RNF145: variants seen among roughly 807,000 people sequenced by gnomAD.
The protein encoded by RNF145 is ring finger protein 145.
RNF145 carries 12 observed loss-of-function variants against 57.3 expected under a neutral mutation model. The ratio of observed to expected loss-of-function variants is 0.21; its 90% CI spans 0.13 to 0.34. The LOEUF is 0.34. Ranked by LOEUF, RNF145 falls within the 10% of genes least tolerant of loss-of-function variation. RNF145 has a pLI of 1.00. For synonymous variants in RNF145, 262 were observed against 288.3 expected, an observed-to-expected ratio of 0.91 and a Z score of 0.92; for missense variants, 429 against 799.0, an observed-to-expected ratio of 0.54 and a Z score of 5.58.
Position 159,209,432 on chromosome 5 carries a change from G to A in RNF145, c.-241C>T. The A allele has an allele frequency of 1.0e-6, 1 of 984,762 alleles. No homozygotes were observed. Among genetic ancestry groups the A allele is most frequent in the Non-Finnish European group, 1.2e-6 (1 of 828,962 alleles). The allele number at this position is 984,762 out of a possible 1,614,324, so 61.0% of individuals were successfully genotyped here. A position where few individuals can be genotyped will look rare whatever the true frequency, so the allele number is the denominator to read the frequency against. ...GAGGCAGCGGCAGCGGCAGCGGCCC[G>A]GCCCGTACGGTCACCATCGTCCGCG... On this transcript the variant is annotated 5_prime_UTR_variant, in exon 1 of 11. Transcript: ENST00000424310.
At chr5:159,180,659 A>G (rs188065070) in intron 4 of RNF145, among the ~76,000 whole-genome samples, 11 of 152,258 alleles carry the variant, frequency 7.2e-5, no homozygotes, top group Admixed American at 2.6e-4. Context: ...AACAAGTGAA[A>G]TCAACAATAT....
intron 3 of RNF145, among the ~76,000 whole-genome samples, chr5:159,193,966 G>A (rs1040306609): frequency 2.0e-5 from 3 of 152,166 alleles, no homozygotes; most frequent in Admixed American, 6.5e-5. Flanking sequence ...CTACTTCATA[G>A]TGTAACTTTT....
chr5:159,185,990 G>A (rs988992077), intron 3 of RNF145, among the ~76,000 whole-genome samples: 2 of 152,164 alleles, frequency 1.3e-5, no homozygotes, highest in Admixed American at 6.5e-5. Context: ...TTGGGAGGCC[G>A]AGGCAGACGG....
chr5:159,172,179 T>A (rs758200220), intron 6 of RNF145, among the ~76,000 whole-genome samples: 1 of 152,168 alleles, frequency 6.6e-6, no homozygotes, highest in African/African-American at 2.4e-5. Context: ...CTATATGCAG[T>A]TACTTTTTGG....
chr5:159,169,051 T>C lies in RNF145; in HGVS notation c.943A>G (p.Met315Val). 11 of 1,544,842 alleles carry C rather than the reference T, an allele frequency of 7.1e-6. No individual in the cohort carries two copies. Among genetic ancestry groups the C allele is most frequent in the Non-Finnish European group, 7.8e-6 (9 of 1,152,816 alleles). ...ATTAACAGCGTTACTCCTTCTGTCA[T>C]GCCCCTAAAAAAAGCATACATTTTC... The part of the protein sequence containing the change: ...FMNDPAMNRG[M>V]TEGVTLLILA... Residue 315 changes from methionine to valine, a missense_variant, in exon 8 of 11, where the codon ATG (methionine) becomes GTG (valine). Met to Val is a conservative substitution (Grantham distance 21, BLOSUM62 1). This residue lies in a region of RNF145 where 216 missense variants were observed against 457.6 expected (regional missense o/e 0.47). Coordinates refer to ENST00000424310, the MANE Select transcript of RNF145 (RefSeq NM_001199383.2).
intron 6 of RNF145, among the ~76,000 whole-genome samples, chr5:159,170,597 T>A (rs182605359): frequency 4.6e-5 from 7 of 152,302 alleles, no homozygotes; most frequent in Admixed American, 3.9e-4. Context: ...CTATCTTATA[T>A]ATACGTATAT....
At chr5:159,183,075 T>C (rs866932599) in intron 3 of RNF145, among the ~76,000 whole-genome samples, 3 of 152,206 alleles carry the variant, frequency 2.0e-5, no homozygotes, top group Middle Eastern at 6.8e-3. Context: ...GAATCAAAAC[T>C]TAAAACTAAA....
chr5:159,168,142 A>T (rs1190273422), intron 8 of RNF145, among the ~76,000 whole-genome samples: 2 of 152,194 alleles, frequency 1.3e-5, no homozygotes, highest in Non-Finnish European at 1.5e-5. Context: ...TTTGGCTTTT[A>T]TCCCTCACAA....
intron 1 of RNF145, chr5:159,207,714 C>A (rs377276060): frequency 1.9e-6 from 3 of 1,612,598 alleles, no homozygotes; most frequent in Non-Finnish European, 2.5e-6. Context: ...TATAGCTGGT[C>A]CTCCCCACTC....
intron 2 of RNF145, among the ~76,000 whole-genome samples, chr5:159,196,748 G>A (rs1233668842): frequency 1.3e-5 from 2 of 152,060 alleles, no homozygotes; most frequent in Non-Finnish European, 2.9e-5. Flanking sequence ...TGACTTTAGA[G>A]GTATTTTAAA....
chr5:159,181,534 A>G (rs1225577591), intron 4 of RNF145, among the ~76,000 whole-genome samples: 1 of 152,102 alleles, frequency 6.6e-6, no homozygotes, highest in Non-Finnish European at 1.5e-5. Flanking sequence ...TATTTTTAAC[A>G]TTCTGCTACC....
intron 2 of RNF145, among the ~76,000 whole-genome samples, chr5:159,198,277 AAAAG>A (rs1346962660): frequency 7.3e-6 from 1 of 137,240 alleles, no homozygotes; most frequent in Admixed American, 7.5e-5. Flanking sequence ...ATAAATAAAT[AAAAG>A]AAATAATGAC....
At chr5:159,175,263 G>C (rs1784682396) in intron 5 of RNF145, among the ~76,000 whole-genome samples, 2 of 152,082 alleles carry the variant, frequency 1.3e-5, no homozygotes, top group Admixed American at 1.3e-4. Context: ...TTACGAGGCA[G>C]AGAATATTTT....
At chr5:159,181,499 G>C (rs1784892115) in intron 4 of RNF145, among the ~76,000 whole-genome samples, 1 of 151,976 alleles carries the variant, frequency 6.6e-6, no homozygotes, top group African/African-American at 2.4e-5. Context: ...TATCTATATT[G>C]TTTTTAGGCC....
chr5:159,178,050 C>G (rs1477471517), intron 4 of RNF145, among the ~76,000 whole-genome samples: 1 of 151,900 alleles, frequency 6.6e-6, no homozygotes, highest in Non-Finnish European at 1.5e-5. Context: ...ACTTTATTCT[C>G]TTATAAAAGT....
At chr5:159,172,664 CCAGTAT>C (rs1281775336) in intron 6 of RNF145, among the ~76,000 whole-genome samples, 8 of 152,230 alleles carry the variant, frequency 5.3e-5, no homozygotes, top group African/African-American at 9.6e-5. Context: ...TGATTCAGTA[CCAGTAT>C]AAGTTTATCC....
At chr5:159,162,195 A>G (rs1784238984) in intron 9 of RNF145, among the ~76,000 whole-genome samples, 1 of 152,224 alleles carries the variant, frequency 6.6e-6, no homozygotes, top group Non-Finnish European at 1.5e-5. Context: ...CATCATATAC[A>G]TATATATTTA....
At chr5:159,193,281 T>A (rs527992006) in intron 3 of RNF145, among the ~76,000 whole-genome samples, 2 of 152,258 alleles carry the variant, frequency 1.3e-5, no homozygotes, top group South Asian at 4.1e-4. Context: ...AGCTCCAGAT[T>A]TTGCAACTTT....
chr5:159,209,625 C>T, upstream of RNF145: 2 of 1,068,110 alleles, frequency 1.9e-6, no homozygotes, highest in Non-Finnish European at 2.3e-6. Flanking sequence ...CCCTCCCGCG[C>T]GCGCCCGCGC....
Sources: gnomAD v4.1 joint callset for allele counts (sites outside exome capture counted in the v4.1 genomes callset) on GRCh38, gnomAD v4.1.1 for gene constraint, gnomAD v4.1.1 regional missense constraint, MANE v1.5 for transcripts, NCBI Gene and HGNC (gene_info 2026-07-23, HGNC 2026-07-21) for gene names.